MYO15A: variants seen among roughly 807,000 people sequenced by gnomAD.
MYO15A encodes myosin XVA.
In MYO15A, 308 loss-of-function variants were observed where a neutral mutation model predicts 394.6. The ratio of observed to expected loss-of-function variants is 0.78; its 90% CI spans 0.71 to 0.86. MYO15A has a LOEUF of 0.86. Among genes scored for constraint, MYO15A ranks in the 40% least tolerant of loss-of-function variants. MYO15A has a pLI of 0.00. For synonymous variants in MYO15A, 1,957 were observed against 2,003.8 expected, an observed-to-expected ratio of 0.98 and a Z score of 0.62; for missense variants, 4,606 against 4,799.1, an observed-to-expected ratio of 0.96 and a Z score of 1.19.
At chr17:18,112,049 G>A (rs970789678) in intron 1 of MYO15A, among the ~76,000 whole-genome samples, 1 of 152,242 alleles carries the variant, frequency 6.6e-6, no homozygotes, top group African/African-American at 2.4e-5. Context: ...ATGCCTGCCT[G>A]AGGCTTTGAG....
intron 16 of MYO15A, 142 bp from the exon 17 acceptor site, chr17:18,137,973 T>C: frequency 8.6e-7 from 1 of 1,161,456 alleles, no homozygotes; most frequent in African/African-American, 1.7e-5. Context: ...TGCTGCCTTA[T>C]TAGGGGGTGA....
rs1191822670 is a variant in MYO15A, at chr17:18,158,508, C to T, written c.8968-15C>T. ...GTGGCCGGACTGGGCCTTCCTAGCT[C>T]CGCCTCTTCTGCAGGGTCCCCCAGT... On this transcript the variant is annotated splice_polypyrimidine_tract_variant and intron_variant, in intron 51 of 65. Transcript: ENST00000647165. 1.1e-5 allele frequency: 18 copies of T among 1,612,800 alleles called. No homozygotes were observed. The highest frequency in any genetic ancestry group is 1.5e-5 in the Non-Finnish European group (18 of 1,178,874).
rs937708659 is a variant in MYO15A, at chr17:18,152,075, C to T, written c.7894-37C>T. The T allele has an allele frequency of 8.4e-6, 13 of 1,550,022 alleles. No individual in the cohort carries two copies. In the Admixed American group the frequency reaches 2.2e-4, roughly 26 times the overall value. Reference sequence around the variant, plus strand: ...GCCACTGCCCCTCCACAGGGCCTGCCTGTTGCCCCCTGAGCAGTCTCTTTG... The same window carrying T: ...GCCACTGCCCCTCCACAGGGCCTGCTTGTTGCCCCCTGAGCAGTCTCTTTG... On this transcript the variant is annotated intron_variant, in intron 41 of 65. Coordinates refer to ENST00000647165, the MANE Select transcript of MYO15A (RefSeq NM_016239.4).
chr17:18,177,954 A>G (rs747948952), intron 65 of MYO15A: 3 of 152,372 alleles, frequency 2.0e-5, no homozygotes, highest in Non-Finnish European at 4.4e-5. Flanking sequence ...CCCTGCTCCA[A>G]TTGGGAGCAC....
chr17:18,143,310 T>A (rs554996315), intron 25 of MYO15A, among the ~76,000 whole-genome samples: 6 of 152,296 alleles, frequency 3.9e-5, no homozygotes, highest in Non-Finnish European at 8.8e-5. Context: ...ATCCTCCTTG[T>A]GTGTCTCTTT....
At chr17:18,162,050 A>G (rs2046784578) in intron 57 of MYO15A, among the ~76,000 whole-genome samples, 1 of 152,156 alleles carries the variant, frequency 6.6e-6, no homozygotes, top group African/African-American at 2.4e-5. Flanking sequence ...CAATTAACAA[A>G]CATTCAACCC....
In MYO15A at chr17:18,136,583, T is replaced by G; in HGVS notation, c.4676T>G (p.Leu1559Trp). ...TCCAGGGACGCCATCGCCAAGGTCT[T>G]GTATGCACTGCTGTTCAGCTGGCTC... ...VDARDAIAKV[L>W]YALLFSWLIT... The change falls in exon 15 of 66, where the codon TTG becomes TGG. Residue 1559 changes from leucine to tryptophan, a missense_variant. Coordinates refer to ENST00000647165, the MANE Select transcript of MYO15A (RefSeq NM_016239.4). The G allele has an allele frequency of 6.2e-7, 1 of 1,614,054 alleles. No individual in the cohort carries two copies. Among genetic ancestry groups the G allele is most frequent in the Non-Finnish European group, 8.5e-7 (1 of 1,180,040 alleles).
intron 62 of MYO15A, among the ~76,000 whole-genome samples, chr17:18,168,490 G>A (rs2046888515): frequency 6.6e-6 from 1 of 151,854 alleles, no homozygotes; most frequent in East Asian, 1.9e-4. Flanking sequence ...CGTGAACCCG[G>A]GAGGCGGAGC....
intron 4 of MYO15A, 93 bp from the exon 5 acceptor site, chr17:18,126,254 T>C: frequency 9.4e-7 from 1 of 1,064,876 alleles, no homozygotes; most frequent in East Asian, 2.4e-5. Context: ...TCTGTCCGGA[T>C]GGAAACAGGG....
rs1435758677 is a variant in MYO15A at position 18,132,202 on chromosome 17, CT to C, written c.4207-249del. ...ATAAGAGAAGACGGGTCCCTTTTCT[CT>C]TATTTCTCCTAACCAAATAAAATCC... is the stretch of plus-strand genomic sequence containing the variant. On this transcript the variant is annotated intron_variant, in intron 10 of 65. Transcript: ENST00000647165. This position sits in a 1 kb window ranked among gnomAD's most constrained non-coding sequence, Gnocchi z 4.6. Among the ~76,000 whole-genome samples the C allele has an allele frequency of 6.6e-6, 1 of 152,234 alleles. No homozygotes were observed. Among genetic ancestry groups the C allele is most frequent in the African/African-American group, 2.4e-5 (1 of 41,456 alleles).
rs2046341935 is a variant in MYO15A, at chr17:18,139,587, C to T, written c.5187C>T (p.Asp1729=). ...ACCAAGTGCGCCAGGATGTGCTGGA[C>T]CTGTTCGTACGGAGCCGGACACGGG... ...NHDQVRQDVL[D]LFVRSRTRVV... is the part of the protein sequence containing the mutation. Residue 1729 remains aspartate, a synonymous_variant, in exon 19 of 66, where the codon GAC becomes GAT. Coordinates refer to ENST00000647165, the MANE Select transcript of MYO15A (RefSeq NM_016239.4). 3 of 1,614,082 alleles carry T rather than the reference C, an allele frequency of 1.9e-6. No homozygotes were observed. Among genetic ancestry groups the T allele is most frequent in the Non-Finnish European group, 2.5e-6 (3 of 1,180,006 alleles).
At chr17:18,136,809 G>A (rs2046286982) in intron 15 of MYO15A, 123 bp downstream of exon 15, 1 of 1,357,136 alleles carries the variant, frequency 7.4e-7, no homozygotes, top group African/African-American at 1.4e-5. Flanking sequence ...TCCCTTCATG[G>A]ACCCCTCCCT....
At chr17:18,171,100 G>A (rs1471184735) in intron 62 of MYO15A, among the ~76,000 whole-genome samples, 1 of 152,210 alleles carries the variant, frequency 6.6e-6, no homozygotes. Flanking sequence ...TGTCCAAAGA[G>A]GTAAAGGGGC....
intron 65 of MYO15A, chr17:18,178,374 A>G (rs887005112): frequency 1.9e-5 from 6 of 320,644 alleles, no homozygotes; most frequent in Non-Finnish European, 3.1e-5. Flanking sequence ...ATCTAGGAAA[A>G]AAAAAAAAAG....
chr17:18,121,370 C>A lies in MYO15A; in HGVS notation c.2570C>A (p.Pro857Gln). Residue 857 changes from proline to glutamine, a missense_variant, in exon 2 of 66, where the codon CCG becomes CAG. By Grantham distance (76) the Pro-to-Gln change is moderately conservative (BLOSUM62 -1). Coordinates refer to ENST00000647165, the MANE Select transcript of MYO15A (RefSeq NM_016239.4). This position sits in a 1 kb window ranked among gnomAD's most constrained non-coding sequence, Gnocchi z 5.3. ...CCGCCCCTGGGGCTCTGCCACAGCC[C>A]GCGGCGCAGCTCCCTGAATCTGCCC... ...PSPPLGLCHS[P>Q]RRSSLNLPSR... is the part of the protein sequence containing the mutation. The A allele has an allele frequency of 6.6e-7, 1 of 1,509,538 alleles. No individual in the cohort carries two copies. The highest frequency in any genetic ancestry group is 1.2e-5 in the South Asian group (1 of 81,230). The allele number at this position is 1,509,538 out of a possible 1,614,324, so 93.5% of individuals were successfully genotyped here. A position where few individuals can be genotyped will look rare whatever the true frequency, so the allele number is the denominator to read the frequency against.
intron 12 of MYO15A, 51 bp downstream of exon 12, chr17:18,133,437 C>A (rs371292468): frequency 6.2e-7 from 1 of 1,602,104 alleles, no homozygotes; most frequent in Non-Finnish European, 8.5e-7. Flanking sequence ...TGGACTTGGC[C>A]GTCTTTTCCA....
chr17:18,151,565 C>G, intron 40 of MYO15A, 38 bp downstream of exon 40: 1 of 1,612,310 alleles, frequency 6.2e-7, no homozygotes, highest in South Asian at 1.1e-5. Context: ...CCAGCCCCCT[C>G]ACTGTACCTG....
chr17:18,174,122 G>C (rs2046981227), intron 65 of MYO15A, among the ~76,000 whole-genome samples: 1 of 152,200 alleles, frequency 6.6e-6, no homozygotes, highest in Non-Finnish European at 1.5e-5. Flanking sequence ...ACACAGGAAA[G>C]GGCAGTACGG....
intron 60 of MYO15A, chr17:18,165,060 G>A (rs886634954): frequency 5.4e-5 from 8 of 148,350 alleles, no homozygotes; most frequent in Non-Finnish European, 8.9e-5. Flanking sequence ...AGCTGAGATC[G>A]TGCCTGGGCA....
Sources: gnomAD v4.1 joint callset for allele counts (sites outside exome capture counted in the v4.1 genomes callset) on GRCh38, gnomAD v4.1.1 for gene constraint, Gnocchi (gnomAD v3.1) non-coding constraint, MANE v1.5 for transcripts, NCBI Gene and HGNC (gene_info 2026-07-23, HGNC 2026-07-21) for gene names.